SGPP1: variants seen among roughly 807,000 people sequenced by gnomAD.
SGPP1 encodes sphingosine-1-phosphate phosphatase 1, also known as hSPP1.
SGPP1 carries 21 observed loss-of-function variants against 33.0 expected under a neutral mutation model. That is an observed-to-expected ratio of 0.64 (90% CI 0.45 to 0.92). The LOEUF (loss-of-function observed/expected upper bound fraction) is 0.92, where lower values mean the gene tolerates loss of function less well. Among genes scored for constraint, SGPP1 ranks in the 40% least tolerant of loss-of-function variants. The pLI is 0.00. For missense variants in SGPP1, 543 were observed against 589.4 expected, an observed-to-expected ratio of 0.92 and a Z score of 0.81; for synonymous variants, 239 against 241.2, an observed-to-expected ratio of 0.99 and a Z score of 0.08.
Position 63,693,884 on chromosome 14 carries a change from T to G in SGPP1, c.774+4685A>C, listed in dbSNP as rs1983963. ...AATTGTTGGGATTATAGGCGTGGGC[T>G]GCTGTGCCCAGCCAGGTATTTTTTT... On this transcript the variant is annotated intron_variant, in intron 2 of 2. Transcript: ENST00000247225. Among the ~76,000 whole-genome samples, 1,247 of 152,352 alleles carry G rather than the reference T, an allele frequency of 8.2e-3. 10 individuals are homozygous for G. Among genetic ancestry groups the G allele is most frequent in the African/African-American group, 0.028 (1,162 of 41,572 alleles).
intron 1 of SGPP1, among the ~76,000 whole-genome samples, chr14:63,706,017 G>A (rs537890502): frequency 5.3e-5 from 8 of 152,260 alleles, no homozygotes; most frequent in African/African-American, 1.9e-4. Flanking sequence ...ACCAAAAGGC[G>A]GGCATAGCCC....
chr14:63,727,714 C>G lies in SGPP1; in HGVS notation c.231G>C (p.Pro77=). Residue 77 remains proline, a synonymous_variant, in exon 1 of 3, where the codon CCG becomes CCC. Transcript: ENST00000247225. ...QPPGSDRNQC[P]AKPDGGGAPN... Reference sequence around the variant, plus strand: ...GGGCGCCGCCGCCGTCCGGCTTGGCCGGGCACTGATTGCGGTCGCTCCCGG... The same window carrying G: ...GGGCGCCGCCGCCGTCCGGCTTGGCGGGGCACTGATTGCGGTCGCTCCCGG... The G allele has an allele frequency of 7.0e-7, 1 of 1,419,652 alleles. No individual in the cohort carries two copies. The highest frequency in any genetic ancestry group is 9.1e-7 in the Non-Finnish European group (1 of 1,095,594). 87.9% of individuals were successfully genotyped at this position (1,419,652 alleles called of 1,614,324 possible).
intron 2 of SGPP1, among the ~76,000 whole-genome samples, chr14:63,693,943 T>G (rs1364962950): frequency 1.3e-5 from 2 of 152,116 alleles, no homozygotes; most frequent in African/African-American, 4.8e-5. Context: ...GATATAAGCA[T>G]ATGTTCAATC....
intron 1 of SGPP1, among the ~76,000 whole-genome samples, chr14:63,726,713 C>G (rs1383748458): frequency 6.6e-6 from 1 of 152,166 alleles, no homozygotes; most frequent in Non-Finnish European, 1.5e-5. Context: ...ACCCTGTGCT[C>G]CATTAACTTC....
At chr14:63,715,197 T>G (rs762330613) in intron 1 of SGPP1, among the ~76,000 whole-genome samples, 1 of 151,804 alleles carries the variant, frequency 6.6e-6, no homozygotes, top group Non-Finnish European at 1.5e-5. Context: ...GTATTTTTAG[T>G]AGAGACAGGG....
At chr14:63,719,010 ATATATTTTTTTTTTTTTTTT>A (rs1885710510) in intron 1 of SGPP1, among the ~76,000 whole-genome samples, 1 of 23,468 alleles carries the variant, frequency 4.3e-5, no homozygotes, top group African/African-American at 2.7e-4. Context: ...ATATATATAT[ATATATTTTTTTTTTTTTTTT>A]TTTTTTTTTT....
chr14:63,687,789 A>T (rs1260038541), intron 2 of SGPP1, among the ~76,000 whole-genome samples: 2 of 152,170 alleles, frequency 1.3e-5, no homozygotes, highest in Non-Finnish European at 2.9e-5. Context: ...GGAGTTGGAG[A>T]CCAGGCTGGG....
At chr14:63,687,839 G>A (rs930174768) in intron 2 of SGPP1, among the ~76,000 whole-genome samples, 2 of 152,220 alleles carry the variant, frequency 1.3e-5, no homozygotes, top group Admixed American at 1.3e-4. Flanking sequence ...TAAAAAGTGA[G>A]GTCAGGTGCA....
At chr14:63,719,018 T>A (rs865970220) in intron 1 of SGPP1, among the ~76,000 whole-genome samples, 271 of 50,752 alleles carry the variant, frequency 5.3e-3, no homozygotes, top group Middle Eastern at 8.6e-3. Flanking sequence ...ATATATATTT[T>A]TTTTTTTTTT....
chr14:63,719,511 T>C (rs1885723819), intron 1 of SGPP1, among the ~76,000 whole-genome samples: 1 of 152,076 alleles, frequency 6.6e-6, no homozygotes, highest in African/African-American at 2.4e-5. Context: ...CATAGTAATG[T>C]GTTCCAGTAA....
rs536661680 is a variant in SGPP1 at position 63,709,817 on chromosome 14, T to A, written c.685-11159A>T. Among the ~76,000 whole-genome samples the A allele has an allele frequency of 4.6e-5, 7 of 152,308 alleles. No individual in the cohort carries two copies. In the South Asian group the frequency reaches 1.2e-3, roughly 27 times the overall value. Reference sequence around the variant, plus strand: ...CACTATCTAATCTTTTCACTGCACATCCTTGATCACAAGAAAATTTATCTA... The same window carrying A: ...CACTATCTAATCTTTTCACTGCACAACCTTGATCACAAGAAAATTTATCTA... On this transcript the variant is annotated intron_variant, in intron 1 of 2. Transcript: ENST00000247225.
At chr14:63,718,281 C>A (rs1167135491) in intron 1 of SGPP1, among the ~76,000 whole-genome samples, 1 of 148,772 alleles carries the variant, frequency 6.7e-6, no homozygotes, top group Non-Finnish European at 1.5e-5. Context: ...AGAGAAAAAA[C>A]AAAACTATCA....
At chr14:63,706,605 T>A (rs1185805712) in intron 1 of SGPP1, among the ~76,000 whole-genome samples, 1 of 152,162 alleles carries the variant, frequency 6.6e-6, no homozygotes, top group East Asian at 1.9e-4. Flanking sequence ...AAAGTAAACA[T>A]AAGCCTTCAG....
At chr14:63,704,229 AAAG>A (rs1381674996) in intron 1 of SGPP1, among the ~76,000 whole-genome samples, 1 of 152,232 alleles carries the variant, frequency 6.6e-6, no homozygotes, top group South Asian at 2.1e-4. Flanking sequence ...CAATACTAAA[AAAG>A]AAGAACAATG....
chr14:63,720,655 G>A (rs1471755740), intron 1 of SGPP1, among the ~76,000 whole-genome samples: 1 of 151,946 alleles, frequency 6.6e-6, no homozygotes, highest in Non-Finnish European at 1.5e-5. Context: ...AGCTAGTTAG[G>A]AGGCTGAGGC....
chr14:63,711,604 C>G (rs1328414584), intron 1 of SGPP1, among the ~76,000 whole-genome samples: 1 of 152,104 alleles, frequency 6.6e-6, no homozygotes, highest in Non-Finnish European at 1.5e-5. Context: ...CTCTTAAGGC[C>G]TTCATTTAAT....
chr14:63,705,540 C>T (rs528461510), intron 1 of SGPP1, among the ~76,000 whole-genome samples: 1 of 151,474 alleles, frequency 6.6e-6, no homozygotes, highest in Admixed American at 6.6e-5. Flanking sequence ...TGGTGACATG[C>T]ACTTGTGGTC....
chr14:63,702,226 G>A (rs913149382), intron 1 of SGPP1, among the ~76,000 whole-genome samples: 4 of 152,148 alleles, frequency 2.6e-5, no homozygotes, highest in African/African-American at 9.7e-5. Context: ...GAGATGGAAT[G>A]TTATCAAGCC....
chr14:63,713,142 G>C (rs1885558154), intron 1 of SGPP1, among the ~76,000 whole-genome samples: 1 of 151,906 alleles, frequency 6.6e-6, no homozygotes, highest in African/African-American at 2.4e-5. Context: ...ACCATCTCCT[G>C]GACAGCTCCA....
Sources: allele counts gnomAD v4.1 joint callset (sites outside exome capture counted in the v4.1 genomes callset), GRCh38; gene constraint gnomAD v4.1.1; transcripts MANE v1.5; gene names NCBI Gene and HGNC (gene_info 2026-07-23, HGNC 2026-07-21).